MYZAP: variants seen among roughly 807,000 people sequenced by gnomAD.
MYZAP encodes the protein myocardial zonula adherens protein.
Under a neutral mutation model 69.4 loss-of-function variants are expected in MYZAP, and 66 were observed. That is an observed-to-expected ratio of 0.95 (90% CI 0.78 to 1.17). The LOEUF (loss-of-function observed/expected upper bound fraction) is 1.17. Ranked by LOEUF, MYZAP falls within the 50% of genes most tolerant of loss-of-function variation. The probability of loss-of-function intolerance (pLI) is 0.00; values close to 1 mark genes in which losing one functional copy is unlikely to be tolerated. For synonymous variants in MYZAP, 256 were observed against 205.9 expected (o/e 1.24, Z -2.09); for missense variants, 611 against 556.2 (o/e 1.10, Z -0.99).
chr15:57,603,546 A>G (rs759044496), intron 1 of MYZAP, among the ~76,000 whole-genome samples: 2 of 152,052 alleles, frequency 1.3e-5, no homozygotes, highest in Non-Finnish European at 2.9e-5. Context: ...TATGATTTTG[A>G]TTACTCCTGG....
chr15:57,626,573 T>C (rs79813004), intron 5 of MYZAP, among the ~76,000 whole-genome samples: 2,325 of 152,316 alleles, frequency 0.015, 31 homozygotes, highest in South Asian at 0.045. Context: ...AAGCAAAGCA[T>C]TGTATGTATT....
intron 1 of MYZAP, among the ~76,000 whole-genome samples, chr15:57,602,240 C>T (rs554357104): frequency 7.9e-5 from 12 of 152,246 alleles, no homozygotes; most frequent in East Asian, 1.9e-4. Context: ...ACTACCACAA[C>T]GCCATTGGCT....
At chr15:57,678,484 A>T (rs549693059) in intron 12 of MYZAP, among the ~76,000 whole-genome samples, 2 of 152,220 alleles carry the variant, frequency 1.3e-5, no homozygotes, top group Non-Finnish European at 2.9e-5. Context: ...CTGATTTTCT[A>T]TGTAGAACAC....
chr15:57,647,970 G>C (rs190887578), intron 10 of MYZAP: 1 of 985,310 alleles, frequency 1.0e-6, no homozygotes, highest in Admixed American at 6.1e-5. Flanking sequence ...TGGATCCTTA[G>C]CCTTGGACTC....
chr15:57,610,477 G>T (rs1430949936), intron 2 of MYZAP, among the ~76,000 whole-genome samples: 1 of 152,184 alleles, frequency 6.6e-6, no homozygotes, highest in East Asian at 1.9e-4. Flanking sequence ...GCACACCAGG[G>T]ACTCTGCGTG....
At chr15:57,663,729 C>T (rs1279460529) in intron 11 of MYZAP, among the ~76,000 whole-genome samples, 12 of 152,176 alleles carry the variant, frequency 7.9e-5, no homozygotes, top group African/African-American at 2.9e-4. Flanking sequence ...TCACCAGTGG[C>T]CTGTTAGGAA....
At chr15:57,646,159 C>G (rs923219725) in intron 10 of MYZAP, 12 of 1,289,356 alleles carry the variant, frequency 9.3e-6, no homozygotes, top group Non-Finnish European at 1.2e-5. Flanking sequence ...GAGCTCTTCT[C>G]CAGATTTAGT....
chr15:57,598,494 A>T lies in MYZAP; in HGVS notation c.76-5775A>T, dbSNP rs75307470. Among the ~76,000 whole-genome samples, 1,304 of 152,308 alleles carry T rather than the reference A, an allele frequency of 8.6e-3. 16 individuals carry two copies. The highest frequency in any genetic ancestry group is 0.03 in the African/African-American group (1,235 of 41,562). On this transcript the variant is annotated intron_variant, in intron 1 of 12. Transcript: ENST00000267853. The stretch of plus-strand genomic sequence containing the variant: ...TACTATGCTAAGCACCGTAGGGGCT[A>T]TATTAAGTGGTGACGGTACAAAGCT...
At chr15:57,651,466 A>G (rs2037723165) in intron 10 of MYZAP, among the ~76,000 whole-genome samples, 1 of 152,212 alleles carries the variant, frequency 6.6e-6, no homozygotes, top group African/African-American at 2.4e-5. Flanking sequence ...AAGATATCAC[A>G]TGTCAACCTT....
At chr15:57,650,517 T>C (rs149205236) in intron 10 of MYZAP, among the ~76,000 whole-genome samples, 20 of 152,302 alleles carry the variant, frequency 1.3e-4, no homozygotes, top group Non-Finnish European at 2.4e-4. Flanking sequence ...TTTGAGTAAA[T>C]TCAGTCTGCT....
At chr15:57,672,308 G>A (rs1325835529) in intron 11 of MYZAP, among the ~76,000 whole-genome samples, 1 of 152,146 alleles carries the variant, frequency 6.6e-6, no homozygotes, top group Non-Finnish European at 1.5e-5. Flanking sequence ...TGACTGTGCT[G>A]CTCTCAGGGC....
At chr15:57,598,200 A>AAAAGGTT (rs2034186072) in intron 1 of MYZAP, among the ~76,000 whole-genome samples, 1 of 152,046 alleles carries the variant, frequency 6.6e-6, no homozygotes, top group African/African-American at 2.4e-5. Context: ...CCAGGCCCTC[A>AAAAGGTT]TCTCCACAAA....
intron 10 of MYZAP, among the ~76,000 whole-genome samples, chr15:57,640,624 G>C (rs1424157775): frequency 6.6e-6 from 1 of 152,188 alleles, no homozygotes; most frequent in African/African-American, 2.4e-5. Context: ...TAATCTCTAA[G>C]ATATTGGGGA....
chr15:57,636,997 A>G (rs945548009), intron 8 of MYZAP, among the ~76,000 whole-genome samples: 1 of 152,196 alleles, frequency 6.6e-6, no homozygotes, highest in Admixed American at 6.5e-5. Flanking sequence ...TCTGGAGGCC[A>G]CCTGTACTCC....
At chr15:57,660,797 G>A (rs989383014) in intron 10 of MYZAP, among the ~76,000 whole-genome samples, 1 of 152,128 alleles carries the variant, frequency 6.6e-6, no homozygotes. Context: ...GAGACATGAT[G>A]TATGATTGGA....
rs201526604 is a variant in MYZAP, at chr15:57,675,090, T to C, written c.1304+22T>C. ...CCAGGTATTTAGGAATTTCCTGATT[T>C]TTTTTTTTATTCAAATTCCTCTTTG... On this transcript the variant is annotated intron_variant, in intron 12 of 12. Coordinates refer to ENST00000267853, the MANE Select transcript of MYZAP (RefSeq NM_001018100.5). 8.7e-5 allele frequency: 138 copies of C among 1,582,720 alleles called. No homozygotes were observed. In the African/African-American group the frequency reaches 1.6e-3, roughly 19 times the overall value.
At chr15:57,620,815 TGTTAAAACACA>T (rs2035758826) in intron 3 of MYZAP, among the ~76,000 whole-genome samples, 1 of 152,152 alleles carries the variant, frequency 6.6e-6, no homozygotes, top group Non-Finnish European at 1.5e-5. Context: ...GCCATGAGTC[TGTTAAAACACA>T]TTCTACTTGT....
Position 57,679,376 on chromosome 15 carries a change from T to TGTG in MYZAP, c.1304+4308_1304+4309insGTG, listed in dbSNP as rs57864057. 3.5e-3 allele frequency among the ~76,000 whole-genome samples: 481 copies of TGTG among 135,852 alleles called. 5 individuals carry two copies. Among genetic ancestry groups the TGTG allele is most frequent in the African/African-American group, 0.013 (442 of 33,500 alleles). 89.1% of individuals were successfully genotyped at this position (135,852 alleles called of 152,430 possible). On this transcript the variant is annotated intron_variant, in intron 12 of 12. Transcript: ENST00000267853. ...TGTGTGTGTGTGTGTGTGTGTGTGTTTCTCTCTCTCTCTCTCTCTGTCTCC... is the reference window on the plus strand; with the variant it reads ...TGTGTGTGTGTGTGTGTGTGTGTGTTGTGTCTCTCTCTCTCTCTCTCTGTCTCC...
rs1679747385 is a variant in MYZAP, at chr15:57,639,696, C to T, written c.1119+151C>T. On this transcript the variant is annotated intron_variant, in intron 10 of 12. Coordinates refer to ENST00000267853, the MANE Select transcript of MYZAP (RefSeq NM_001018100.5). ...ATCTAGGCCCAGAGTGGGATTTCCC[C>T]ACATGTCCCCCATGGACTGATGACG... The T allele has an allele frequency of 7.2e-6, 6 of 828,018 alleles. No homozygotes were observed. The South Asian group carries it at 8.4e-5, about 12-fold the overall frequency. 51.3% of individuals were successfully genotyped at this position (828,018 alleles called of 1,614,324 possible).
Sources: allele counts gnomAD v4.1 joint callset (sites outside exome capture counted in the v4.1 genomes callset), GRCh38; gene constraint gnomAD v4.1.1; transcripts MANE v1.5; gene names NCBI Gene and HGNC (gene_info 2026-07-23, HGNC 2026-07-21).